GPATCH2: variants seen among roughly 807,000 people sequenced by gnomAD.
GPATCH2 encodes G-patch domain containing 2.
A neutral mutation model predicts 58.0 loss-of-function variants in GPATCH2; 51 were observed. The observed-to-expected ratio is 0.88, with a 90% CI of 0.70 to 1.11. The LOEUF is 1.11. Among genes scored for constraint, GPATCH2 ranks in the 50% most tolerant of loss-of-function variants. The probability of loss-of-function intolerance (pLI) is 0.00; values close to 1 mark genes in which losing one functional copy is unlikely to be tolerated. For synonymous variants in GPATCH2, 222 were observed against 218.5 expected (o/e 1.02, Z -0.14); for missense variants, 625 against 652.2 (o/e 0.96, Z 0.45).
intron 5 of GPATCH2, among the ~76,000 whole-genome samples, chr1:217,530,204 T>C (rs1425157794): frequency 6.6e-6 from 1 of 152,146 alleles, no homozygotes; most frequent in African/African-American, 2.4e-5. Flanking sequence ...TCCCCTCCAG[T>C]ATAAAGTAGT....
At chr1:217,559,606 T>C (rs1310139471) in intron 5 of GPATCH2, among the ~76,000 whole-genome samples, 1 of 151,988 alleles carries the variant, frequency 6.6e-6, no homozygotes, top group Non-Finnish European at 1.5e-5. Flanking sequence ...GTAGAAACAC[T>C]GAAAAGCAGG....
chr1:217,457,432 T>C (rs1659993608), intron 8 of GPATCH2, among the ~76,000 whole-genome samples: 1 of 152,212 alleles, frequency 6.6e-6, no homozygotes, highest in Middle Eastern at 3.2e-3. Context: ...ATGTAAAACA[T>C]TTTAGCACGT....
intron 8 of GPATCH2, among the ~76,000 whole-genome samples, chr1:217,462,680 A>G (rs910616742): frequency 6.6e-5 from 10 of 152,242 alleles, no homozygotes; most frequent in African/African-American, 2.4e-4. Context: ...AATGAATCTT[A>G]GCTATTATGG....
chr1:217,510,958 CG>C (rs915888138), intron 6 of GPATCH2, among the ~76,000 whole-genome samples: 14 of 151,852 alleles, frequency 9.2e-5, no homozygotes, highest in Non-Finnish European at 1.3e-4. Flanking sequence ...ATTATCTGGG[CG>C]TGGTGGCGCA....
At chr1:217,523,987 C>T (rs1196470237) in intron 5 of GPATCH2, among the ~76,000 whole-genome samples, 1 of 144,318 alleles carries the variant, frequency 6.9e-6, no homozygotes, top group East Asian at 2.1e-4. Context: ...GGGCGGCTGG[C>T]CGGGCAGAGG....
At chr1:217,578,031 G>GC (rs775018584) in intron 5 of GPATCH2, among the ~76,000 whole-genome samples, 8 of 142,678 alleles carry the variant, frequency 5.6e-5, no homozygotes, top group Non-Finnish European at 9.1e-5. Context: ...ACAGGCATGA[G>GC]CCACTGCATC....
At chr1:217,533,628 G>A (rs1664314720) in intron 5 of GPATCH2, among the ~76,000 whole-genome samples, 1 of 152,178 alleles carries the variant, frequency 6.6e-6, no homozygotes, top group South Asian at 2.1e-4. Context: ...ATTGCTCAGT[G>A]TCTGGCACAT....
At position 217,547,461 on chromosome 1, in the gene GPATCH2, T is replaced by C. The variant is rs375516792; in HGVS notation, c.1099-32572A>G. ...AGTTCAACCATTGTGCGAGATAGTG[T>C]GGCAATTCCTCAAAGACTTAAAGAC... On this transcript the variant is annotated intron_variant, in intron 5 of 9. Coordinates refer to ENST00000366935, the MANE Select transcript of GPATCH2 (RefSeq NM_018040.5). Among the ~76,000 whole-genome samples the C allele has an allele frequency of 4.6e-5, 7 of 152,274 alleles. No homozygotes were observed. In the East Asian group the frequency reaches 1.4e-3, roughly 29 times the overall value.
chr1:217,487,871 T>G (rs1439667381), intron 8 of GPATCH2, among the ~76,000 whole-genome samples: 1 of 152,106 alleles, frequency 6.6e-6, no homozygotes, highest in Non-Finnish European at 1.5e-5. Flanking sequence ...GCCTCCTGAG[T>G]AGCTGGGATT....
At chr1:217,578,618 A>C (rs554252747) in intron 5 of GPATCH2, among the ~76,000 whole-genome samples, 3 of 152,186 alleles carry the variant, frequency 2.0e-5, no homozygotes, top group Non-Finnish European at 4.4e-5. Context: ...TTCTTTTCTT[A>C]CATCAAAGTT....
chr1:217,438,296 GA>G (rs1023208253), intron 9 of GPATCH2, among the ~76,000 whole-genome samples: 2 of 152,142 alleles, frequency 1.3e-5, no homozygotes, highest in Non-Finnish European at 2.9e-5. Context: ...CAAAAAGGCA[GA>G]AAATTCCAAA....
intron 9 of GPATCH2, among the ~76,000 whole-genome samples, chr1:217,440,319 T>C (rs918275361): frequency 6.6e-6 from 1 of 152,126 alleles, no homozygotes. Flanking sequence ...TACCCCTACA[T>C]ACTAAAAACT....
At chr1:217,445,003 A>T (rs1571710828) in intron 9 of GPATCH2, among the ~76,000 whole-genome samples, 2 of 152,150 alleles carry the variant, frequency 1.3e-5, no homozygotes, top group African/African-American at 4.8e-5. Context: ...ATTCAAGAAG[A>T]TTATTTTCCT....
intron 9 of GPATCH2, among the ~76,000 whole-genome samples, chr1:217,434,255 AAT>A (rs1453865615): frequency 6.6e-6 from 1 of 152,204 alleles, no homozygotes; most frequent in Non-Finnish European, 1.5e-5. Flanking sequence ...AGAGATTATA[AAT>A]ATATGTGTGA....
intron 9 of GPATCH2, among the ~76,000 whole-genome samples, chr1:217,443,131 A>C (rs1336010236): frequency 1.3e-5 from 2 of 152,188 alleles, no homozygotes; most frequent in African/African-American, 4.8e-5. Flanking sequence ...AGTCAATATT[A>C]ATTTAGCTTT....
At chr1:217,442,325 A>C (rs1165982469) in intron 9 of GPATCH2, among the ~76,000 whole-genome samples, 1 of 152,166 alleles carries the variant, frequency 6.6e-6, no homozygotes, top group Non-Finnish European at 1.5e-5. Flanking sequence ...GGACCATCAC[A>C]TACTGGGGCC....
chr1:217,623,114 T>C (rs1363819607), intron 1 of GPATCH2, among the ~76,000 whole-genome samples: 1 of 152,156 alleles, frequency 6.6e-6, no homozygotes, highest in Non-Finnish European at 1.5e-5. Context: ...AAACATTCAC[T>C]TGAAAAAAAT....
chr1:217,482,240 G>A (rs913415570), intron 8 of GPATCH2, among the ~76,000 whole-genome samples: 2 of 151,964 alleles, frequency 1.3e-5, no homozygotes, highest in Admixed American at 6.6e-5. Flanking sequence ...GCCTAATAGC[G>A]CCAGGCACTG....
chr1:217,465,572 A>G (rs1194395541), intron 8 of GPATCH2, among the ~76,000 whole-genome samples: 2 of 152,162 alleles, frequency 1.3e-5, no homozygotes, highest in African/African-American at 2.4e-5. Flanking sequence ...ATAATAATGA[A>G]TAAGTCTCAT....
Sources: allele counts gnomAD v4.1 joint callset (sites outside exome capture counted in the v4.1 genomes callset), GRCh38; gene constraint gnomAD v4.1.1; transcripts MANE v1.5; gene names NCBI Gene and HGNC (gene_info 2026-07-23, HGNC 2026-07-21).